The following GRM7 variants were observed in gnomAD, a reference collection of about 807,000 sequenced individuals.
GRM7 encodes metabotropic glutamate receptor 7.
GRM7 carries 35 observed loss-of-function variants against 84.5 expected under a neutral mutation model. The observed-to-expected ratio is 0.41, with a 90% CI of 0.32 to 0.55. GRM7 has a LOEUF of 0.55. GRM7 is among the 20% of genes least tolerant of loss of function. The pLI is 0.19. For synonymous variants in GRM7, 487 were observed against 455.1 expected (o/e 1.07, Z -0.89); for missense variants, 1,003 against 1,194.6 (o/e 0.84, Z 2.36).
chr3:7,379,742 G>C (rs1444532360), intron 4 of GRM7, among the ~76,000 whole-genome samples: 1 of 152,140 alleles, frequency 6.6e-6, no homozygotes, highest in Non-Finnish European at 1.5e-5. Context: ...TTGGGAACAT[G>C]TTTTACATAT....
At chr3:6,993,668 G>C (rs115189388) in intron 1 of GRM7, among the ~76,000 whole-genome samples, 184 of 152,316 alleles carry the variant, frequency 1.2e-3, no homozygotes, top group African/African-American at 4.3e-3. Flanking sequence ...AGAGAAGCCA[G>C]TTAGGAGCAT....
intron 1 of GRM7, among the ~76,000 whole-genome samples, chr3:6,998,508 A>C (rs1447477009): frequency 6.6e-6 from 1 of 152,160 alleles, no homozygotes; most frequent in Non-Finnish European, 1.5e-5. Context: ...TCAGAGTTCC[A>C]CTAGGCAGTG....
chr3:6,980,731 A>G (rs1694167266), intron 1 of GRM7, among the ~76,000 whole-genome samples: 1 of 152,224 alleles, frequency 6.6e-6, no homozygotes. Context: ...GAGTGAAATT[A>G]GGAAAACTGT....
At chr3:7,602,342 AATG>A (rs1223799818) in intron 8 of GRM7, among the ~76,000 whole-genome samples, 11 of 152,140 alleles carry the variant, frequency 7.2e-5, no homozygotes, top group African/African-American at 2.7e-4. Context: ...AAGGCTGTAG[AATG>A]AACACCAAAA....
At chr3:7,387,044 T>G (rs1694812749) in intron 4 of GRM7, among the ~76,000 whole-genome samples, 1 of 152,204 alleles carries the variant, frequency 6.6e-6, no homozygotes, top group Non-Finnish European at 1.5e-5. Context: ...TTTTATAAGT[T>G]TATTGGCCAT....
Position 7,612,791 on chromosome 3 carries a change from G to C in GRM7, c.2451+33434G>C, listed in dbSNP as rs376067724. On this transcript the variant is annotated intron_variant, in intron 8 of 9. Coordinates refer to ENST00000357716, the MANE Select transcript of GRM7 (RefSeq NM_000844.4). ...GGAGAAAAAGTGATTTGGGCACCAA[G>C]GAAAGAATTCTTGGAAACAGCTTCA... 1.8e-3 allele frequency among the ~76,000 whole-genome samples: 274 copies of C among 152,278 alleles called. 1 individual carries two copies. Among genetic ancestry groups the C allele is most frequent in the Non-Finnish European group, 3.0e-3 (204 of 68,000 alleles).
intron 4 of GRM7, among the ~76,000 whole-genome samples, chr3:7,402,011 G>C (rs1695474018): frequency 6.6e-6 from 1 of 152,088 alleles, no homozygotes; most frequent in Admixed American, 6.6e-5. Flanking sequence ...TCAGGTACTT[G>C]AACATTGTTA....
chr3:7,699,031 A>G (rs551455093), intron 9 of GRM7, among the ~76,000 whole-genome samples: 1 of 152,314 alleles, frequency 6.6e-6, no homozygotes, highest in South Asian at 2.1e-4. Context: ...TTAGCTTAGG[A>G]ACAGGATATA....
intron 7 of GRM7, 115 bp downstream of exon 7, chr3:7,461,837 T>C: frequency 1.1e-6 from 1 of 912,812 alleles, no homozygotes; most frequent in East Asian, 2.4e-5. Context: ...CAAGTGAGCA[T>C]GCAATTTGTT....
intron 6 of GRM7, among the ~76,000 whole-genome samples, chr3:7,457,594 A>G (rs960468655): frequency 5.9e-5 from 9 of 152,224 alleles, no homozygotes; most frequent in Admixed American, 2.0e-4. Flanking sequence ...CAGATCTCAC[A>G]TGCTTTTTTT....
intron 1 of GRM7, among the ~76,000 whole-genome samples, chr3:7,009,066 T>C (rs1340542270): frequency 6.6e-6 from 1 of 152,232 alleles, no homozygotes; most frequent in Non-Finnish European, 1.5e-5. Flanking sequence ...TTCAAAATTA[T>C]CAATTCTTGC....
intron 4 of GRM7, among the ~76,000 whole-genome samples, chr3:7,413,586 A>G (rs976143027): frequency 1.3e-5 from 2 of 152,208 alleles, no homozygotes; most frequent in Admixed American, 1.3e-4. Flanking sequence ...GCTCAGGACT[A>G]TCAGACTGTG....
intron 7 of GRM7, among the ~76,000 whole-genome samples, chr3:7,562,004 C>T (rs528881756): frequency 1.3e-4 from 20 of 152,186 alleles, no homozygotes; most frequent in Non-Finnish European, 2.1e-4. Flanking sequence ...CCCCTGAACT[C>T]GCAACTGAGT....
chr3:7,587,925 A>C (rs913092541), intron 8 of GRM7, among the ~76,000 whole-genome samples: 5 of 152,076 alleles, frequency 3.3e-5, no homozygotes, highest in Admixed American at 6.6e-5. Context: ...CTTATACCAA[A>C]GAACGTTAGA....
At chr3:7,033,705 G>C (rs1696275557) in intron 1 of GRM7, among the ~76,000 whole-genome samples, 1 of 152,046 alleles carries the variant, frequency 6.6e-6, no homozygotes, top group Non-Finnish European at 1.5e-5. Context: ...ACAATAAGCA[G>C]AACAGGATGG....
At chr3:7,493,075 T>A (rs972730070) in intron 7 of GRM7, among the ~76,000 whole-genome samples, 2 of 152,126 alleles carry the variant, frequency 1.3e-5, no homozygotes, top group Admixed American at 1.3e-4. Context: ...TGATGAAGTA[T>A]GTTTATGATA....
intron 1 of GRM7, among the ~76,000 whole-genome samples, chr3:6,904,813 T>C (rs80155024): frequency 6.6e-6 from 1 of 152,154 alleles, no homozygotes; most frequent in East Asian, 1.9e-4. Flanking sequence ...CTTTACCTCC[T>C]GAGCTCAAGT....
Position 7,461,727 on chromosome 3 carries a change from G to T in GRM7, c.1515+5G>T. On this transcript the variant is annotated splice_donor_5th_base_variant and intron_variant, in intron 7 of 9. Transcript: ENST00000357716. ...ACAGACGAACTTCAGCTCAATGTGA[G>T]TTCTGCTTGCTTCTCTTCTTCCCTT... 2 of 1,612,990 alleles carry T rather than the reference G, an allele frequency of 1.2e-6. No homozygotes were observed. Among genetic ancestry groups the T allele is most frequent in the Non-Finnish European group, 1.7e-6 (2 of 1,179,154 alleles).
chr3:7,446,464 G>GTTTTTT (rs370257829), intron 5 of GRM7, among the ~76,000 whole-genome samples: 1 of 130,576 alleles, frequency 7.7e-6, no homozygotes, highest in Non-Finnish European at 1.6e-5. Flanking sequence ...TTTTTTTTTT[G>GTTTTTT]TTTTTTTTTT....
Sources: gnomAD v4.1 joint callset for allele counts (sites outside exome capture counted in the v4.1 genomes callset) on GRCh38, gnomAD v4.1.1 for gene constraint, MANE v1.5 for transcripts, NCBI Gene and HGNC (gene_info 2026-07-23, HGNC 2026-07-21) for gene names.